The following INTS1 variants were observed in gnomAD, a reference collection of about 807,000 sequenced individuals.
INTS1 encodes the protein integrator complex subunit 1.
A neutral mutation model predicts 241.6 loss-of-function variants in INTS1; 137 were observed. That is an observed-to-expected ratio of 0.57 (90% CI 0.49 to 0.65). The LOEUF (loss-of-function observed/expected upper bound fraction) is 0.65. INTS1 is among the 30% of genes least tolerant of loss of function. INTS1 has a pLI of 0.00. For synonymous variants in INTS1, 1,692 were observed against 1,337.8 expected (o/e 1.26, Z -5.78); for missense variants, 3,073 against 3,032.2 (o/e 1.01, Z -0.32).
chr7:1,487,644 C>T (rs989140062), intron 19 of INTS1, 116 bp downstream of exon 19: 64 of 1,373,678 alleles, frequency 4.7e-5, no homozygotes, highest in Non-Finnish European at 5.9e-5. Context: ...ACAGGCCTTT[C>T]AGGTTCTGCC....
chr7:1,484,037 C>T lies in INTS1; in HGVS notation c.3395G>A (p.Arg1132Gln), dbSNP rs751542838. 8.1e-6 allele frequency: 13 copies of T among 1,611,366 alleles called. No individual in the cohort carries two copies. Among genetic ancestry groups the T allele is most frequent in the Non-Finnish European group, 1.0e-5 (12 of 1,179,264 alleles). Residue 1132 changes from arginine to glutamine, a missense_variant, in exon 25 of 48, where the codon CGG becomes CAG. Transcript: ENST00000404767. ...SIFSRYVRRM[R>Q]QSKEGEEVYS... Reference sequence around the variant, plus strand: ...GACCTCCTCGCCCTCCTTGCTCTGCCGCATGCGCCTCACGTAGCGTGAGAA... The same window carrying T: ...GACCTCCTCGCCCTCCTTGCTCTGCTGCATGCGCCTCACGTAGCGTGAGAA...
At chr7:1,498,948 G>GGGGGGC in intron 8 of INTS1, 27 bp downstream of exon 8, 1 of 946,728 alleles carries the variant, frequency 1.1e-6, no homozygotes, top group Non-Finnish European at 1.4e-6. Context: ...CCCCTGCCCC[G>GGGGGGC]CCCACCCCCC....
rs746759664 is a variant in INTS1 at position 1,474,783 on chromosome 7, C to T, written c.5558G>A (p.Arg1853Gln). Residue 1853 changes from arginine to glutamine, a missense_variant, in exon 40 of 48, where the codon CGG (arginine) becomes CAG (glutamine). Transcript: ENST00000404767. ...ITLLADTSDS[R>Q]ALENRGADAS... ...ATCCGCCCCTCGGTTCTCCAACGCC[C>T]GGGAGTCGCTGGTGTCCGCAAGGAG... 3.3e-5 allele frequency: 52 copies of T among 1,582,142 alleles called. No individual in the cohort carries two copies. The East Asian group carries it at 3.7e-4, about 11-fold the overall frequency.
At chr7:1,504,022 G>C (rs1036227121) in intron 1 of INTS1, 21 bp from the exon 2 acceptor site, 1 of 1,269,826 alleles carries the variant, frequency 7.9e-7, no homozygotes, top group African/African-American at 1.5e-5. Flanking sequence ...GCCAGCGTGC[G>C]GTCATTCCTT....
intron 45 of INTS1, 128 bp from the exon 46 acceptor site, chr7:1,471,352 A>AC (rs1781459871): frequency 9.3e-7 from 1 of 1,070,310 alleles, no homozygotes; most frequent in Admixed American, 2.1e-5. Flanking sequence ...AGAAGGCAGG[A>AC]CGCACGTGCC....
chr7:1,494,844 C>T lies in INTS1; in HGVS notation c.1882G>A (p.Asp628Asn), dbSNP rs1445987480. 6.4e-7 allele frequency: 1 copy of T among 1,569,518 alleles called. No individual in the cohort carries two copies. Among genetic ancestry groups the T allele is most frequent in the Non-Finnish European group, 8.6e-7 (1 of 1,157,976 alleles). ...CGGTCACTCTCGGGTGGCCAGTTGT[C>T]CCACTTGTAGTAGGTCTCCGGCTGC... ...TEQPETYYKW[D>N]NWPPESDRNF... The change falls in exon 14 of 48, where the codon GAC becomes AAC. Residue 628 changes from aspartate to asparagine, a missense_variant. Transcript: ENST00000404767.
In INTS1 at chr7:1,485,365, C is replaced by T. The variant is rs1178973275; in HGVS notation, c.3081G>A (p.Gln1027=). ...GGCGAGGCAGGTCCCGCAGCAGCCACTGATAGCCCTGCAGCACATCTGTGT... is the reference window on the plus strand; with the variant it reads ...GGCGAGGCAGGTCCCGCAGCAGCCATTGATAGCCCTGCAGCACATCTGTGT... ...VGDTDVLQGY[Q]WLLRDLPRLP... The change falls in exon 23 of 48, where the codon CAG becomes CAA. Residue 1027 remains glutamine, a synonymous_variant. Coordinates refer to ENST00000404767, the MANE Select transcript of INTS1 (RefSeq NM_001080453.3). 9 of 1,612,602 alleles carry T rather than the reference C, an allele frequency of 5.6e-6. No homozygotes were observed. In the South Asian group the frequency reaches 8.8e-5, roughly 16 times the overall value.
intron 12 of INTS1, among the ~76,000 whole-genome samples, chr7:1,495,821 C>T (rs1474931360): frequency 6.6e-6 from 1 of 152,166 alleles, no homozygotes; most frequent in East Asian, 1.9e-4. Context: ...CCTGTGAACC[C>T]ATAATCAAAC....
At chr7:1,483,574 G>A (rs1315447310) in intron 26 of INTS1, 168 bp downstream of exon 26, 8 of 665,650 alleles carry the variant, frequency 1.2e-5, no homozygotes, top group Admixed American at 2.1e-5. Flanking sequence ...AGAGACACGC[G>A]GGACGGACTG....
chr7:1,500,087 G>T, intron 4 of INTS1, 66 bp from the exon 5 acceptor site: 1 of 1,595,648 alleles, frequency 6.3e-7, no homozygotes, highest in Non-Finnish European at 8.6e-7. Context: ...GGGGTGGGCC[G>T]GGAGGGACAC....
At position 1,499,110 on chromosome 7, in the gene INTS1, C is replaced by T; in HGVS notation, c.1002G>A (p.Arg334=). 6.2e-7 allele frequency: 1 copy of T among 1,611,464 alleles called. No homozygotes were observed. Among genetic ancestry groups the T allele is most frequent in the Non-Finnish European group, 8.5e-7 (1 of 1,179,648 alleles). ...SVEEYVLDML[R]DQLNRRQPID... Reference sequence around the variant, plus strand: ...TGGGCTGGCGCCGGTTCAGCTGGTCCCGCAGCATGTCCAGGACATACTCCT... The same window carrying T: ...TGGGCTGGCGCCGGTTCAGCTGGTCTCGCAGCATGTCCAGGACATACTCCT... The change falls in exon 8 of 48, where the codon CGG becomes CGA. Residue 334 remains arginine, a synonymous_variant. Transcript: ENST00000404767.
At chr7:1,474,900 C>T in intron 39 of INTS1, 62 bp from the exon 40 acceptor site, 1 of 1,522,208 alleles carries the variant, frequency 6.6e-7, no homozygotes, top group Non-Finnish European at 8.8e-7. Flanking sequence ...CACCCACACT[C>T]AGCCTGGCCG....
chr7:1,479,508 G>A lies in INTS1; in HGVS notation c.4251C>T (p.His1417=), dbSNP rs537318054. The A allele has an allele frequency of 3.6e-5, 57 of 1,570,612 alleles. No individual in the cohort carries two copies. The highest frequency in any genetic ancestry group is 1.7e-4 in the Middle Eastern group (1 of 5,984). ...QALATLLSSP[H]GGALVMSMHR... ...GCATGGACATCACCAGGGCACCGCC[G>A]TGTGGGGAGCTGAGCAGGGTGGCGA... The change falls in exon 31 of 48, where the codon CAC becomes CAT. Residue 1417 remains histidine, a synonymous_variant. Coordinates refer to ENST00000404767, the MANE Select transcript of INTS1 (RefSeq NM_001080453.3).
rs1197493951 is a variant in INTS1 at position 1,470,817 on chromosome 7, AGGGCCCTGG to A, written c.6457+20_6457+28del. The A allele has an allele frequency of 6.5e-7, 1 of 1,538,982 alleles. No homozygotes were observed. The highest frequency in any genetic ancestry group is 8.8e-7 in the Non-Finnish European group (1 of 1,136,738). On this transcript the variant is annotated intron_variant, in intron 47 of 47. Transcript: ENST00000404767. ...ACCTCCGGCCTCCCCGAGGGCTGCC[AGGGCCCTGG>A]GCGGGGGGCCAGTCCTCACCTTGGC...
rs1426367762 is a variant in INTS1 at position 1,475,943 on chromosome 7, C to G, written c.5502+5G>C. ...CGGCGGGGAGCGGCAGAGTTGCGCC[C>G]TCACCTTGCAGACGCTGCTGCTGGC... is the stretch of plus-strand genomic sequence containing the variant. On this transcript the variant is annotated splice_donor_5th_base_variant and intron_variant, in intron 39 of 47. Transcript: ENST00000404767. The G allele has an allele frequency of 2.0e-6, 3 of 1,537,358 alleles. No individual in the cohort carries two copies. The highest frequency in any genetic ancestry group is 2.6e-6 in the Non-Finnish European group (3 of 1,143,928).
Position 1,494,809 on chromosome 7 carries a change from C to T in INTS1, c.1910+7G>A, listed in dbSNP as rs766152322. On this transcript the variant is annotated splice_region_variant and intron_variant, in intron 14 of 47. Coordinates refer to ENST00000404767, the MANE Select transcript of INTS1 (RefSeq NM_001080453.3). ...CACACAGGAGCCCCAGGCGGCAGCG[C>T]ACTCACTTGCGGTCACTCTCGGGTG... The T allele has an allele frequency of 1.9e-6, 3 of 1,558,912 alleles. No individual in the cohort carries two copies. The South Asian group carries it at 3.5e-5, about 18-fold the overall frequency.
intron 16 of INTS1, among the ~76,000 whole-genome samples, chr7:1,490,422 C>T (rs1782492851): frequency 6.8e-6 from 1 of 146,504 alleles, no homozygotes; most frequent in African/African-American, 2.8e-5. Context: ...AAACGGGAAC[C>T]CCTGAAAGGG....
intron 18 of INTS1, among the ~76,000 whole-genome samples, chr7:1,488,352 C>G (rs1782381069): frequency 6.6e-6 from 1 of 152,180 alleles, no homozygotes. Flanking sequence ...GGCAGGGACT[C>G]TCTTGCCTAC....
chr7:1,495,673 C>G (rs1466555050), intron 12 of INTS1, 120 bp from the exon 13 acceptor site: 1 of 1,293,550 alleles, frequency 7.7e-7, no homozygotes, highest in African/African-American at 1.5e-5. Flanking sequence ...GCACCCCCAG[C>G]TTCTGGACGA....
Sources: gnomAD v4.1 joint callset for allele counts (sites outside exome capture counted in the v4.1 genomes callset) on GRCh38, gnomAD v4.1.1 for gene constraint, MANE v1.5 for transcripts, NCBI Gene and HGNC (gene_info 2026-07-23, HGNC 2026-07-21) for gene names.